CORO2B: variants seen among roughly 807,000 people sequenced by gnomAD.
CORO2B encodes the protein coronin 2B, also known as coronin-2B.
Under a neutral mutation model 58.8 loss-of-function variants are expected in CORO2B, and 26 were observed. The ratio of observed to expected loss-of-function variants is 0.44; its 90% CI spans 0.32 to 0.61. CORO2B has a LOEUF of 0.61. CORO2B is among the 20% of genes least tolerant of loss of function. CORO2B has a pLI of 0.04. For synonymous variants in CORO2B, 242 were observed against 253.8 expected (o/e 0.95, Z 0.44); for missense variants, 460 against 645.1 (o/e 0.71, Z 3.11).
intron 2 of CORO2B, among the ~76,000 whole-genome samples, chr15:68,692,692 G>A (rs985637907): frequency 6.7e-6 from 1 of 149,420 alleles, no homozygotes; most frequent in Non-Finnish European, 1.5e-5. Context: ...GGAGTGCAGT[G>A]GTGTGATATC....
At chr15:68,557,508 G>T in the CORO2B span, among the ~76,000 whole-genome samples, 1 of 152,214 alleles carries the variant, frequency 6.6e-6, no homozygotes, top group Admixed American at 6.5e-5. Flanking sequence ...AGGTTCAGGG[G>T]CCAGTCTATC....
intron 1 of CORO2B, among the ~76,000 whole-genome samples, chr15:68,613,025 C>T (rs1193716200): frequency 6.6e-6 from 1 of 152,270 alleles, no homozygotes; most frequent in African/African-American, 2.4e-5. Context: ...ACATGGGACT[C>T]CCCTCTCTCA....
chr15:68,613,554 C>T (rs1394492611), intron 1 of CORO2B, among the ~76,000 whole-genome samples: 1 of 152,196 alleles, frequency 6.6e-6, no homozygotes, highest in Non-Finnish European at 1.5e-5. Context: ...TTTGGAATTG[C>T]AAGCACTTCC....
intron 2 of CORO2B, among the ~76,000 whole-genome samples, chr15:68,656,960 C>T (rs1239479423): frequency 1.3e-5 from 2 of 152,168 alleles, no homozygotes; most frequent in African/African-American, 2.4e-5. Flanking sequence ...ATGCACCCTC[C>T]CCACCTAGGG....
Position 68,676,005 on chromosome 15 carries a change from G to A in CORO2B, c.217-19135G>A, listed in dbSNP as rs76398496. On this transcript the variant is annotated intron_variant, in intron 2 of 11. Transcript: ENST00000261861. ...ATAGAATAGAATAGAATAATGCTAGGAGGAGAAATTGATTAGGGAAGGGGA... is the reference window on the plus strand; with the variant it reads ...ATAGAATAGAATAGAATAATGCTAGAAGGAGAAATTGATTAGGGAAGGGGA... 5.7e-3 allele frequency among the ~76,000 whole-genome samples: 870 copies of A among 152,310 alleles called. 3 individuals are homozygous for A. The highest frequency in any genetic ancestry group is 9.7e-3 in the Non-Finnish European group (659 of 68,030).
At chr15:68,651,256 C>T (rs1200329398) in intron 2 of CORO2B, among the ~76,000 whole-genome samples, 3 of 152,210 alleles carry the variant, frequency 2.0e-5, no homozygotes, top group Non-Finnish European at 4.4e-5. Flanking sequence ...CCATGGCCGT[C>T]CCTCTACCGC....
At chr15:68,543,588 C>T in the CORO2B span, among the ~76,000 whole-genome samples, 2 of 152,166 alleles carry the variant, frequency 1.3e-5, no homozygotes, top group African/African-American at 4.8e-5. Flanking sequence ...AACTCTAAGG[C>T]CAGCAAGGCC....
At chr15:68,680,852 T>C (rs1902756843) in intron 2 of CORO2B, among the ~76,000 whole-genome samples, 1 of 152,146 alleles carries the variant, frequency 6.6e-6, no homozygotes, top group Non-Finnish European at 1.5e-5. Flanking sequence ...GTCTGACCCA[T>C]GGGAAGCCCT....
chr15:68,628,390 C>T (rs993707201), intron 1 of CORO2B, among the ~76,000 whole-genome samples: 8 of 152,194 alleles, frequency 5.3e-5, no homozygotes, highest in Admixed American at 3.9e-4. Flanking sequence ...AAGATAATAG[C>T]GCCTGCCTCA....
intron 2 of CORO2B, among the ~76,000 whole-genome samples, chr15:68,664,739 A>C (rs1271245801): frequency 2.0e-5 from 3 of 152,212 alleles, no homozygotes; most frequent in Non-Finnish European, 4.4e-5. Context: ...ACTTTGTCAG[A>C]GTAGTTTCAA....
chr15:68,559,112 G>T, the CORO2B span, among the ~76,000 whole-genome samples: 5 of 152,098 alleles, frequency 3.3e-5, no homozygotes, highest in African/African-American at 1.2e-4. This position sits in a 1 kb window ranked among gnomAD's most constrained non-coding sequence, Gnocchi z 4.3. Flanking sequence ...GTGTGGCTGG[G>T]CGTTGCCAGG....
chr15:68,718,353 G>A (rs752263378), intron 8 of CORO2B, among the ~76,000 whole-genome samples: 29 of 152,204 alleles, frequency 1.9e-4, no homozygotes, highest in Non-Finnish European at 2.8e-4. Context: ...GCTGTGCTCT[G>A]TGACCTTGGG....
chr15:68,623,821 T>C (rs1182135215), intron 1 of CORO2B, among the ~76,000 whole-genome samples: 1 of 152,086 alleles, frequency 6.6e-6, no homozygotes, highest in Non-Finnish European at 1.5e-5. Context: ...GGCGGGTGTG[T>C]TTGAGCAGCC....
the CORO2B span, among the ~76,000 whole-genome samples, chr15:68,543,148 A>G: frequency 6.6e-6 from 1 of 152,164 alleles, no homozygotes; most frequent in African/African-American, 2.4e-5. Context: ...ATGGCCAGAT[A>G]TCTCCACAAA....
chr15:68,564,448 A>T, the CORO2B span, among the ~76,000 whole-genome samples: 2 of 151,842 alleles, frequency 1.3e-5, no homozygotes, highest in Non-Finnish European at 2.9e-5. Context: ...GGACTACAGG[A>T]GCGTGCCACT....
intron 1 of CORO2B, chr15:68,641,476 A>G: frequency 2.1e-6 from 2 of 949,464 alleles, no homozygotes; most frequent in Non-Finnish European, 2.5e-6. Flanking sequence ...GGGAGGAAGC[A>G]GAAGGAGCAG....
At chr15:68,599,457 T>A (rs778858229) in intron 1 of CORO2B, among the ~76,000 whole-genome samples, 3 of 152,256 alleles carry the variant, frequency 2.0e-5, no homozygotes, top group African/African-American at 4.8e-5. Context: ...TAAGAATCTA[T>A]TCTGTGCATG....
chr15:68,667,736 G>A (rs768411106), intron 2 of CORO2B, among the ~76,000 whole-genome samples: 4 of 152,164 alleles, frequency 2.6e-5, no homozygotes, highest in Non-Finnish European at 2.9e-5. Flanking sequence ...GAAGATGGGC[G>A]GGGGGATGTG....
At chr15:68,657,779 G>C (rs919613488) in intron 2 of CORO2B, among the ~76,000 whole-genome samples, 1 of 152,136 alleles carries the variant, frequency 6.6e-6, no homozygotes, top group Non-Finnish European at 1.5e-5. Context: ...ATTTATACAC[G>C]AAAGAAATGT....
Sources: allele counts gnomAD v4.1 joint callset (sites outside exome capture counted in the v4.1 genomes callset), GRCh38; gene constraint gnomAD v4.1.1; non-coding constraint Gnocchi (gnomAD v3.1); transcripts MANE v1.5; gene names NCBI Gene and HGNC (gene_info 2026-07-23, HGNC 2026-07-21).